WIPF2: variants seen among roughly 807,000 people sequenced by gnomAD.
The protein encoded by WIPF2 is WAS/WASL-interacting protein family member 2.
Under a neutral mutation model 38.8 loss-of-function variants are expected in WIPF2, and 23 were observed. That is an observed-to-expected ratio of 0.59 (90% CI 0.43 to 0.84). The LOEUF (loss-of-function observed/expected upper bound fraction) is 0.84, where lower values mean the gene tolerates loss of function less well. WIPF2 is among the 40% of genes least tolerant of loss of function. The pLI is 0.00. For missense variants in WIPF2, 574 were observed against 580.5 expected (o/e 0.99, Z 0.11); for synonymous variants, 210 against 223.2 (o/e 0.94, Z 0.53).
intron 1 of WIPF2, chr17:40,220,585 A>ATATG (rs1555558019): frequency 1.5e-5 from 1 of 65,870 alleles, no homozygotes; most frequent in Non-Finnish European, 2.8e-5. Context: ...ATATATATAT[A>ATATG]TATATATATA....
At chr17:40,259,369 A>G (rs1448149440) in intron 2 of WIPF2, among the ~76,000 whole-genome samples, 1 of 150,890 alleles carries the variant, frequency 6.6e-6, no homozygotes, top group African/African-American at 2.4e-5. Context: ...CAGGAGGTGG[A>G]GCTTGCAGTG....
At chr17:40,232,512 A>G (rs995413916) in intron 1 of WIPF2, among the ~76,000 whole-genome samples, 2 of 150,092 alleles carry the variant, frequency 1.3e-5, no homozygotes, top group Non-Finnish European at 3.0e-5. Context: ...ATTTTTGTAG[A>G]TGCTTTTGCC....
chr17:40,241,145 C>T (rs1354939944), intron 1 of WIPF2, among the ~76,000 whole-genome samples: 2 of 151,972 alleles, frequency 1.3e-5, no homozygotes, highest in African/African-American at 4.8e-5. Context: ...TCTAGACTTC[C>T]CTAACACCAA....
intron 1 of WIPF2, among the ~76,000 whole-genome samples, chr17:40,230,293 C>G (rs1243467270): frequency 2.6e-5 from 4 of 152,132 alleles, no homozygotes; most frequent in Admixed American, 2.0e-4. Context: ...TGAGCTGTTG[C>G]AGCACCACTG....
At chr17:40,228,400 C>A (rs185392226) in intron 1 of WIPF2, among the ~76,000 whole-genome samples, 1 of 152,200 alleles carries the variant, frequency 6.6e-6, no homozygotes, top group East Asian at 1.9e-4. Context: ...TACACAGTTT[C>A]CAGTCTTTTG....
chr17:40,235,631 T>G (rs531477402), intron 1 of WIPF2, among the ~76,000 whole-genome samples: 37 of 147,266 alleles, frequency 2.5e-4, no homozygotes, highest in African/African-American at 9.2e-4. Flanking sequence ...TGGAGTGCAA[T>G]GGCACGATCT....
intron 1 of WIPF2, among the ~76,000 whole-genome samples, chr17:40,256,056 T>C (rs1342936156): frequency 1.4e-5 from 2 of 144,740 alleles, no homozygotes; most frequent in Admixed American, 1.4e-4. Flanking sequence ...ATTGCACCAC[T>C]GTGCTCCAGC....
intron 2 of WIPF2, among the ~76,000 whole-genome samples, chr17:40,258,463 T>G (rs1011713041): frequency 1.2e-4 from 18 of 152,088 alleles, no homozygotes; most frequent in Admixed American, 6.6e-4. Flanking sequence ...ATGGTGGCGC[T>G]TGCCTGTAAT....
intron 5 of WIPF2, among the ~76,000 whole-genome samples, chr17:40,269,045 G>A (rs2032173357): frequency 6.6e-6 from 1 of 151,968 alleles, no homozygotes; most frequent in Admixed American, 6.6e-5. Context: ...TAGGCCGGGT[G>A]CAGTGGCTCA....
In WIPF2 at chr17:40,248,163, C is replaced by CTT. The variant is rs60359132; in HGVS notation, c.-69-8202_-69-8201dup. 1.2e-3 allele frequency among the ~76,000 whole-genome samples: 55 copies of CTT among 47,602 alleles called. 1 individual carries two copies. The highest frequency in any genetic ancestry group is 1.4e-3 in the Non-Finnish European group (34 of 23,680). The allele number at this position is 47,602 out of a possible 152,430, so 31.2% of individuals were successfully genotyped here. A position where few individuals can be genotyped will look rare whatever the true frequency, so the allele number is the denominator to read the frequency against. ...TTTAATAAAAATTTAAAAGTTATTT[C>CTT]TTTTTTTTTTTTTTTTTTTTTTTTT... On this transcript the variant is annotated intron_variant, in intron 1 of 7. Transcript: ENST00000323571.
At chr17:40,274,138 C>T (rs2032322141) in intron 6 of WIPF2, 139 bp downstream of exon 6, 1 of 652,278 alleles carries the variant, frequency 1.5e-6, no homozygotes, top group Non-Finnish European at 2.5e-6. Context: ...CTGCTGACTT[C>T]ATCCTCAGAG....
rs747080729 is a variant in WIPF2, at chr17:40,264,638, C to G, written c.462C>G (p.Pro154=). ...SLPELPRMQR[P]SLPDLSRPNT... ...CAGAACTGCCCCGGATGCAGAGACC[C>G]TCTTTACCGGACCTCTCTCGGCCTA... The change falls in exon 5 of 8, where the codon CCC becomes CCG. Residue 154 remains proline (P), a synonymous_variant. Transcript: ENST00000323571. The G allele has an allele frequency of 1.2e-6, 2 of 1,614,036 alleles. No individual in the cohort carries two copies. Among genetic ancestry groups the G allele is most frequent in the Non-Finnish European group, 1.7e-6 (2 of 1,179,946 alleles).
At chr17:40,220,614 TA>T (rs2030180450) in intron 1 of WIPF2, 4 of 101,430 alleles carry the variant, frequency 3.9e-5, no homozygotes, top group Admixed American at 2.2e-4. Context: ...TATATATATA[TA>T]TATGTATATA....
At chr17:40,234,466 G>C (rs917630642) in intron 1 of WIPF2, among the ~76,000 whole-genome samples, 1 of 151,828 alleles carries the variant, frequency 6.6e-6, no homozygotes, top group South Asian at 2.1e-4. Flanking sequence ...AAAAACAACC[G>C]GAAATTATCT....
At chr17:40,274,258 T>A (rs1397633106) in intron 6 of WIPF2, among the ~76,000 whole-genome samples, 1 of 152,132 alleles carries the variant, frequency 6.6e-6, no homozygotes, top group Non-Finnish European at 1.5e-5. Flanking sequence ...CTAAATCCAC[T>A]CCAAAGATCA....
intron 4 of WIPF2, 125 bp from the exon 5 acceptor site, chr17:40,264,365 A>G: frequency 1.3e-6 from 1 of 760,838 alleles, no homozygotes; most frequent in Non-Finnish European, 2.1e-6. Flanking sequence ...AAAAACAAAA[A>G]ACCCAGAATT....
chr17:40,270,124 G>C (rs2032204473), intron 5 of WIPF2, among the ~76,000 whole-genome samples: 1 of 151,410 alleles, frequency 6.6e-6, no homozygotes, highest in African/African-American at 2.4e-5. Flanking sequence ...CCAGCACTTT[G>C]GGAGGCTGAG....
At chr17:40,231,294 C>T (rs775936198) in intron 1 of WIPF2, among the ~76,000 whole-genome samples, 2 of 152,118 alleles carry the variant, frequency 1.3e-5, no homozygotes, top group Non-Finnish European at 2.9e-5. Flanking sequence ...AGGCATGACA[C>T]TTGTCTCCAT....
chr17:40,220,880 A>G (rs2030204595), intron 1 of WIPF2, among the ~76,000 whole-genome samples: 1 of 145,078 alleles, frequency 6.9e-6, no homozygotes, highest in African/African-American at 2.6e-5. Flanking sequence ...GTTCACGCCC[A>G]TTCTTCTGCC....
Sources: gnomAD v4.1 joint callset for allele counts (sites outside exome capture counted in the v4.1 genomes callset) on GRCh38, gnomAD v4.1.1 for gene constraint, MANE v1.5 for transcripts, NCBI Gene and HGNC (gene_info 2026-07-23, HGNC 2026-07-21) for gene names.